Variants in STK4 observed in about 807,000 individuals in gnomAD.
The protein encoded by STK4 is serine/threonine kinase 4.
Under a neutral mutation model 64.9 loss-of-function variants are expected in STK4, and 30 were observed. The ratio of observed to expected loss-of-function variants is 0.46; its 90% CI spans 0.35 to 0.63. The LOEUF is 0.63. Ranked by LOEUF, STK4 falls within the 20% of genes least tolerant of loss-of-function variation. The probability of loss-of-function intolerance (pLI) is 0.01; values close to 1 mark genes in which losing one functional copy is unlikely to be tolerated. For missense variants in STK4, 466 were observed against 598.5 expected (o/e 0.78, Z 2.31); for synonymous variants, 177 against 199.0 (o/e 0.89, Z 0.93).
At chr20:45,048,899 C>T (rs2068736111) in intron 10 of STK4, among the ~76,000 whole-genome samples, 1 of 152,090 alleles carries the variant, frequency 6.6e-6, no homozygotes, top group Non-Finnish European at 1.5e-5. Context: ...CAAGGATACT[C>T]ACTAAAACAC....
chr20:45,027,102 A>T (rs559131646), intron 10 of STK4, among the ~76,000 whole-genome samples: 1 of 152,276 alleles, frequency 6.6e-6, no homozygotes, highest in Admixed American at 6.5e-5. Context: ...AGTACTTCTA[A>T]GCTTAGTTTC....
Position 45,036,534 on chromosome 20 carries a change from C to T in STK4, c.1305+11404C>T, listed in dbSNP as rs1220064524. Among the ~76,000 whole-genome samples the T allele has an allele frequency of 3.3e-5, 5 of 152,184 alleles. 1 individual carries two copies. In the South Asian group the frequency reaches 1.0e-3, roughly 32 times the overall value. ...GCGAGAGTAGCGATGCTGGCAATTC[C>T]AGCTTGCCAAAGAGAAGATGTAAAG... On this transcript the variant is annotated intron_variant, in intron 10 of 10. Transcript: ENST00000372806.
intron 2 of STK4, 53 bp downstream of exon 2, chr20:44,972,211 C>G: frequency 4.0e-6 from 6 of 1,492,942 alleles, no homozygotes; most frequent in Non-Finnish European, 5.6e-6. Context: ...TTTTTCCTGC[C>G]CCAGAAGAAG....
chr20:45,052,735 G>T (rs1321083494), intron 10 of STK4, among the ~76,000 whole-genome samples: 3 of 152,130 alleles, frequency 2.0e-5, no homozygotes, highest in Non-Finnish European at 4.4e-5. Flanking sequence ...CACCTTTCTG[G>T]ACAATCTCCA....
chr20:44,972,286 T>A, intron 2 of STK4, 128 bp downstream of exon 2: 1 of 782,100 alleles, frequency 1.3e-6, no homozygotes, highest in East Asian at 2.5e-5. Context: ...CAGCTTGTGA[T>A]GTCCTTCTTC....
At position 44,987,283 on chromosome 20, in the gene STK4, C is replaced by T. The variant is rs772963142; in HGVS notation, c.512C>T (p.Ala171Val). The T allele has an allele frequency of 1.2e-6, 2 of 1,609,640 alleles. No individual in the cohort carries two copies. The highest frequency in any genetic ancestry group is 1.1e-5 in the South Asian group (1 of 90,036). Reference protein sequence around the residue: ...GHAKLADFGVAGQLTDTMAKR... With the variant: ...GHAKLADFGVVGQLTDTMAKR... ...GCAAAACTTGCAGATTTTGGGGTAG[C>T]AGGTCAACTTACAGTAAGTAAAAAT... Residue 171 changes from alanine to valine, a missense_variant, in exon 5 of 11, where the codon GCA (alanine) becomes GTA (valine). Ala to Val is a moderately conservative substitution (Grantham distance 64, BLOSUM62 0). Around this residue, in one of 2 missense-constraint regions of STK4, gnomAD observed 190 missense variants for 289.7 expected, o/e 0.66. Transcript: ENST00000372806.
At chr20:45,032,505 C>G (rs374266081) in intron 10 of STK4, among the ~76,000 whole-genome samples, 139 of 152,120 alleles carry the variant, frequency 9.1e-4, no homozygotes, top group African/African-American at 3.3e-3. Flanking sequence ...CTCCTACTTA[C>G]AAGTGAGAAC....
intron 9 of STK4, among the ~76,000 whole-genome samples, chr20:45,006,758 C>G (rs1373323725): frequency 6.6e-6 from 1 of 152,158 alleles, no homozygotes; most frequent in Non-Finnish European, 1.5e-5. Context: ...TTTTCCACCT[C>G]TTACCTACCG....
chr20:45,065,780 A>G (rs1334521974), intron 10 of STK4, among the ~76,000 whole-genome samples: 1 of 151,754 alleles, frequency 6.6e-6, no homozygotes, highest in African/African-American at 2.4e-5. Flanking sequence ...CTAGTGGTCC[A>G]TCTATCTTAT....
chr20:45,061,503 C>A (rs1026783520), intron 10 of STK4, among the ~76,000 whole-genome samples: 1 of 152,030 alleles, frequency 6.6e-6, no homozygotes, highest in African/African-American at 2.4e-5. Flanking sequence ...ACCCATTAGT[C>A]ACTTAGTAGG....
At chr20:45,006,241 T>C (rs762500756) in intron 9 of STK4, among the ~76,000 whole-genome samples, 3 of 149,250 alleles carry the variant, frequency 2.0e-5, no homozygotes, top group Middle Eastern at 3.4e-3. Context: ...TTTGTTTCAT[T>C]TTGTTTCGGA....
At chr20:45,045,195 G>A (rs1206527150) in intron 10 of STK4, among the ~76,000 whole-genome samples, 3 of 152,154 alleles carry the variant, frequency 2.0e-5, no homozygotes, top group African/African-American at 7.2e-5. Flanking sequence ...TTTAGATCTA[G>A]GTAGCATTTA....
intron 4 of STK4, among the ~76,000 whole-genome samples, chr20:44,983,115 A>G (rs1447769398): frequency 2.6e-5 from 4 of 152,226 alleles, no homozygotes; most frequent in Non-Finnish European, 5.9e-5. Flanking sequence ...TCTGAGTGAT[A>G]GAAGGGCTAC....
chr20:45,079,221 A>C lies in STK4; in HGVS notation c.*4045A>C, dbSNP rs556016341. 1 of 152,322 alleles carries C rather than the reference A, an allele frequency of 6.6e-6. No homozygotes were observed. The highest frequency in any genetic ancestry group is 1.9e-4 in the East Asian group (1 of 5,184). 9.4% of individuals were successfully genotyped at this position (152,322 alleles called of 1,614,324 possible). On this transcript the variant is annotated 3_prime_UTR_variant, in exon 11 of 11. Transcript: ENST00000372806. ...ACAGAATGAGACCCCGTCTCAAAAA[A>C]AAAGAAGAAGTAGATAATCTGAATA...
intron 10 of STK4, among the ~76,000 whole-genome samples, chr20:45,029,760 A>G (rs1192613796): frequency 1.3e-5 from 2 of 151,948 alleles, no homozygotes; most frequent in Non-Finnish European, 2.9e-5. Context: ...CCTCCTGGTG[A>G]CTCTTACCCA....
chr20:45,013,827 T>G (rs987364926), intron 9 of STK4, among the ~76,000 whole-genome samples: 2 of 149,052 alleles, frequency 1.3e-5, no homozygotes, highest in East Asian at 1.9e-4. Flanking sequence ...TTGTTAAAAT[T>G]GTTAAATTGT....
At chr20:45,027,142 A>G (rs2068363229) in intron 10 of STK4, among the ~76,000 whole-genome samples, 1 of 152,110 alleles carries the variant, frequency 6.6e-6, no homozygotes, top group Non-Finnish European at 1.5e-5. Flanking sequence ...GAAGTTAGCG[A>G]TTTTGGCTAG....
chr20:45,027,200 C>T (rs145009458), intron 10 of STK4, among the ~76,000 whole-genome samples: 2,275 of 152,058 alleles, frequency 0.015, 16 homozygotes, highest in Non-Finnish European at 0.022. Flanking sequence ...AGGCCAAGGC[C>T]GGTCAATCAC....
intron 10 of STK4, among the ~76,000 whole-genome samples, chr20:45,057,809 A>G (rs942903147): frequency 3.3e-5 from 5 of 152,212 alleles, no homozygotes; most frequent in African/African-American, 1.2e-4. Flanking sequence ...TGGTCTTTAC[A>G]AAATTTTTTT....
Sources: gnomAD v4.1 joint callset for allele counts (sites outside exome capture counted in the v4.1 genomes callset) on GRCh38, gnomAD v4.1.1 for gene constraint, gnomAD v4.1.1 regional missense constraint, MANE v1.5 for transcripts, NCBI Gene and HGNC (gene_info 2026-07-23, HGNC 2026-07-21) for gene names.